DOCK6: variants seen among roughly 807,000 people sequenced by gnomAD.
DOCK6 encodes dedicator of cytokinesis 6.
A neutral mutation model predicts 230.3 loss-of-function variants in DOCK6; 167 were observed. The observed-to-expected ratio is 0.73, with a 90% CI of 0.64 to 0.82. The LOEUF (loss-of-function observed/expected upper bound fraction) is 0.82, where lower values mean the gene tolerates loss of function less well. DOCK6 is among the 40% of genes least tolerant of loss of function. DOCK6 has a pLI of 0.00. For missense variants in DOCK6, 2,598 were observed against 2,825.8 expected (o/e 0.92, Z 1.83); for synonymous variants, 1,148 against 1,185.0 (o/e 0.97, Z 0.64).
intron 6 of DOCK6, among the ~76,000 whole-genome samples, chr19:11,249,531 A>G (rs763743457): frequency 2.6e-5 from 4 of 151,170 alleles, no homozygotes; most frequent in Non-Finnish European, 5.9e-5. Flanking sequence ...TTTATTTTAT[A>G]TATTTTTTTA....
At chr19:11,216,089 A>AT in intron 30 of DOCK6, 162 bp from the exon 31 acceptor site, 31 of 879,408 alleles carry the variant, frequency 3.5e-5, no homozygotes, top group South Asian at 4.3e-5. Flanking sequence ...CCAAAAAAAA[A>AT]ATTTTTTTTT....
chr19:11,258,122 AAG>A (rs2080225907), intron 1 of DOCK6, among the ~76,000 whole-genome samples: 1 of 152,176 alleles, frequency 6.6e-6, no homozygotes, highest in South Asian at 2.1e-4. Context: ...TCACTGACCA[AAG>A]AGGGAAATAA....
At position 11,243,316 on chromosome 19, in the gene DOCK6, G is replaced by C. The variant is rs754165446; in HGVS notation, c.1328C>G (p.Ala443Gly). ...PQDRASSGDDACSFSGFRPAT... is the reference protein window; with the variant it reads ...PQDRASSGDDGCSFSGFRPAT... ...TGGACGGAAGCCAGAGAAGCTGCAG[G>C]CGTCGTCCCCACTACTCGCCCGGTC... Residue 443 changes from alanine to glycine, a missense_variant, in exon 12 of 48, where the codon GCC becomes GGC. Transcript: ENST00000294618. This position sits in a 1 kb window ranked among gnomAD's most constrained non-coding sequence, Gnocchi z 6.3. 26 of 1,601,230 alleles carry C rather than the reference G, an allele frequency of 1.6e-5. No homozygotes were observed. Among genetic ancestry groups the C allele is most frequent in the Admixed American group, 5.2e-5 (3 of 57,592 alleles).
At chr19:11,235,530 C>T (rs1180216593) in intron 21 of DOCK6, 68 bp downstream of exon 21, 29 of 1,454,674 alleles carry the variant, frequency 2.0e-5, no homozygotes, top group East Asian at 5.0e-5. Flanking sequence ...GGATTACAGG[C>T]GTGAGCCACC....
At chr19:11,229,289 C>A in intron 22 of DOCK6, 1 of 1,280,168 alleles carries the variant, frequency 7.8e-7, no homozygotes, top group East Asian at 3.3e-5. Flanking sequence ...CCGCACCTCC[C>A]CCCACTACCT....
intron 7 of DOCK6, among the ~76,000 whole-genome samples, chr19:11,246,984 AC>A (rs1263060649): frequency 6.6e-6 from 1 of 151,846 alleles, no homozygotes; most frequent in Non-Finnish European, 1.5e-5. Context: ...ACCCGCTCGC[AC>A]CCCTCAAGCT....
chr19:11,240,183 C>T, intron 14 of DOCK6: 1 of 1,554,026 alleles, frequency 6.4e-7, no homozygotes, highest in Middle Eastern at 1.7e-4. Context: ...AGCTGAGGTG[C>T]TGGGGGAGGT....
intron 1 of DOCK6, among the ~76,000 whole-genome samples, chr19:11,257,684 G>C (rs2080219631): frequency 6.6e-6 from 1 of 151,994 alleles, no homozygotes; most frequent in African/African-American, 2.4e-5. Flanking sequence ...AGTTACTCGG[G>C]AGGCTGAGGC....
Position 11,252,114 on chromosome 19 carries a change from C to G in DOCK6, c.507+5G>C, listed in dbSNP as rs888249759. 6.3e-7 allele frequency: 1 copy of G among 1,586,960 alleles called. No homozygotes were observed. Among genetic ancestry groups the G allele is most frequent in the Non-Finnish European group, 8.6e-7 (1 of 1,167,546 alleles). The stretch of plus-strand genomic sequence containing the variant: ...TTCAGTGACCCCAGCCAGGGGCTTC[C>G]TCACCGAGTCCTCAGGGCCGGACCT... On this transcript the variant is annotated splice_donor_5th_base_variant and intron_variant, in intron 5 of 47. Transcript: ENST00000294618.
rs571565474 is a variant in DOCK6, at chr19:11,234,508, A to T, written c.2554+1090T>A. ...GGGATTGGTGTTTATTTGGCAAATTAAAAAAAAAAAAAAATCCAACTCTAT... is the reference window on the plus strand; with the variant it reads ...GGGATTGGTGTTTATTTGGCAAATTTAAAAAAAAAAAAAATCCAACTCTAT... On this transcript the variant is annotated intron_variant, in intron 21 of 47. Transcript: ENST00000294618. Among the ~76,000 whole-genome samples the T allele has an allele frequency of 4.2e-4, 29 of 69,358 alleles. No individual in the cohort carries two copies. The East Asian group carries it at 0.019, about 46-fold the overall frequency. The allele number at this position is 69,358 out of a possible 152,430, so 45.5% of individuals were successfully genotyped here.
intron 39 of DOCK6, among the ~76,000 whole-genome samples, chr19:11,207,022 A>G (rs1295579434): frequency 6.6e-6 from 1 of 151,878 alleles, no homozygotes; most frequent in African/African-American, 2.4e-5. Flanking sequence ...TTTAGTAGAC[A>G]TGGGGTTTCA....
rs1005320921 is a variant in DOCK6 at position 11,243,956 on chromosome 19, C to T, written c.1024-74G>A. On this transcript the variant is annotated intron_variant, in intron 9 of 47. Coordinates refer to ENST00000294618, the MANE Select transcript of DOCK6 (RefSeq NM_020812.4). The surrounding 1 kb of genome is among the most constrained non-coding windows in gnomAD (Gnocchi z 6.3). ...TTCCCCCGTGCTGGCTCCCCAGCCT[C>T]CTGGACCCCTCATGGGCCCTCGGAC... 1.3e-6 allele frequency: 2 copies of T among 1,497,260 alleles called. No homozygotes were observed. The highest frequency in any genetic ancestry group is 3.9e-5 in the Admixed American group (2 of 51,132). 92.7% of individuals were successfully genotyped at this position (1,497,260 alleles called of 1,614,324 possible). A position where few individuals can be genotyped will look rare whatever the true frequency, so the allele number is the denominator to read the frequency against.
At chr19:11,209,979 AC>A (rs2079345223) in intron 37 of DOCK6, among the ~76,000 whole-genome samples, 1 of 72,108 alleles carries the variant, frequency 1.4e-5, no homozygotes, top group Non-Finnish European at 2.7e-5. Context: ...TCACCTGTCC[AC>A]CCTCTCACCT....
Position 11,217,322 on chromosome 19 carries a change from G to A in DOCK6, c.3620C>T (p.Ala1207Val), listed in dbSNP as rs371021276. The A allele has an allele frequency of 1.1e-5, 17 of 1,613,196 alleles. No homozygotes were observed. Among genetic ancestry groups the A allele is most frequent in the Middle Eastern group, 1.6e-4 (1 of 6,062 alleles). ...DSDTEGEGDI[A>V]GTINPSVAMA... ...GGCCACAGAGGGGTTGATGGTACCC[G>A]CAATGTCCCCTTCGCCTTCTGTGTC... The change falls in exon 29 of 48, where the codon GCG becomes GTG. Residue 1207 changes from alanine to valine, a missense_variant. Transcript: ENST00000294618.
Position 11,236,374 on chromosome 19 carries a change from G to A in DOCK6, c.2364C>T (p.Ile788=). 1 of 1,573,228 alleles carries A rather than the reference G, an allele frequency of 6.4e-7. No individual in the cohort carries two copies. Among genetic ancestry groups the A allele is most frequent in the Non-Finnish European group, 8.6e-7 (1 of 1,158,664 alleles). ...HVLDKLVRLV[I]RPPIISGQIV... ...TCTGGCCACTGATGATCGGGGGCCT[G>A]ATGACCAGACGCACGAGCTTGTCCA... The change falls in exon 20 of 48, where the codon ATC becomes ATT. Residue 788 remains isoleucine, a synonymous_variant. Transcript: ENST00000294618. This position sits in a 1 kb window ranked among gnomAD's most constrained non-coding sequence, Gnocchi z 5.2.
At chr19:11,251,199 G>A (rs1292648095) in intron 5 of DOCK6, 113 bp from the exon 6 acceptor site, 4 of 1,113,254 alleles carry the variant, frequency 3.6e-6, no homozygotes, top group South Asian at 1.4e-5. Context: ...GGGTCAGGGG[G>A]TGAGGGTCAT....
chr19:11,233,219 C>A lies in DOCK6; in HGVS notation c.2702G>T (p.Arg901Leu), dbSNP rs757970053. The change falls in exon 22 of 48, where the codon CGC becomes CTC. Residue 901 changes from arginine to leucine, a missense_variant. Coordinates refer to ENST00000294618, the MANE Select transcript of DOCK6 (RefSeq NM_020812.4). ...TTGCCCTACCTTGCTGGCCAGGATG[C>A]GGGAAACCTCGTCATCCACAGAGCC... Reference protein sequence around the residue: ...APGSVDDEVSRILASKLLHEE... With the variant: ...APGSVDDEVSLILASKLLHEE... 1.2e-6 allele frequency: 2 copies of A among 1,613,426 alleles called. No homozygotes were observed. Among genetic ancestry groups the A allele is most frequent in the Non-Finnish European group, 8.5e-7 (1 of 1,179,746 alleles).
chr19:11,243,697 A>G lies in DOCK6; in HGVS notation c.1118T>C (p.Leu373Pro). 1 of 1,613,800 alleles carries G rather than the reference A, an allele frequency of 6.2e-7. No individual in the cohort carries two copies. Among genetic ancestry groups the G allele is most frequent in the Non-Finnish European group, 8.5e-7 (1 of 1,179,844 alleles). ...EVDTAKNKEK[L>P]EKLRLAAEQF... ...CTCGGCCGCCAGGCGCAGCTTCTCT[A>G]GCTTCTCTTTGTTCTGTGGGGAGAC... Residue 373 changes from leucine to proline, a missense_variant, in exon 11 of 48, where the codon CTA becomes CCA. Leu to Pro is a moderately conservative substitution (Grantham distance 98). Transcript: ENST00000294618. This position sits in a 1 kb window ranked among gnomAD's most constrained non-coding sequence, Gnocchi z 6.3.
In DOCK6 at chr19:11,225,506, G is replaced by A. The variant is rs8101802; in HGVS notation, c.2955+1831C>T. ...GCCATCTCCTGGCATGGGAACATAGGAAGACCCCATCTCTACACACACACA... is the reference window on the plus strand; with the variant it reads ...GCCATCTCCTGGCATGGGAACATAGAAAGACCCCATCTCTACACACACACA... On this transcript the variant is annotated intron_variant, in intron 24 of 47. Coordinates refer to ENST00000294618, the MANE Select transcript of DOCK6 (RefSeq NM_020812.4). 4.6e-4 allele frequency among the ~76,000 whole-genome samples: 69 copies of A among 151,642 alleles called. No individual in the cohort carries two copies. In the East Asian group the frequency reaches 0.012, roughly 26 times the overall value.
Sources: allele counts gnomAD v4.1 joint callset (sites outside exome capture counted in the v4.1 genomes callset), GRCh38; gene constraint gnomAD v4.1.1; non-coding constraint Gnocchi (gnomAD v3.1); transcripts MANE v1.5; gene names NCBI Gene and HGNC (gene_info 2026-07-23, HGNC 2026-07-21).